The following FAM13C variants were observed in gnomAD, a reference collection of about 807,000 sequenced individuals.
FAM13C encodes protein FAM13C.
In FAM13C, 37 loss-of-function variants were observed where a neutral mutation model predicts 73.2. The ratio of observed to expected loss-of-function variants is 0.51; its 90% CI spans 0.39 to 0.67. FAM13C has a LOEUF of 0.67. Among genes scored for constraint, FAM13C ranks in the 30% least tolerant of loss-of-function variants. FAM13C has a pLI of 0.00. For synonymous variants in FAM13C, 246 were observed against 260.9 expected (o/e 0.94, Z 0.55); for missense variants, 589 against 715.6 (o/e 0.82, Z 2.02).
At chr10:59,310,613 C>T (rs1292281476) in intron 4 of FAM13C, among the ~76,000 whole-genome samples, 1 of 152,140 alleles carries the variant, frequency 6.6e-6, no homozygotes, top group African/African-American at 2.4e-5. Flanking sequence ...CCCCGAGAGA[C>T]TACTGAAAGA....
chr10:59,331,742 G>A (rs1032424797), intron 3 of FAM13C, among the ~76,000 whole-genome samples: 1 of 152,164 alleles, frequency 6.6e-6, no homozygotes, highest in African/African-American at 2.4e-5. Context: ...AGGCAGTATG[G>A]AGAATAACAA....
intron 5 of FAM13C, among the ~76,000 whole-genome samples, chr10:59,293,571 T>C (rs1434014272): frequency 2.0e-5 from 3 of 152,230 alleles, no homozygotes; most frequent in Non-Finnish European, 2.9e-5. Context: ...CATTTGTCTG[T>C]TGATAGACAC....
chr10:59,311,575 A>G (rs1848923149), intron 4 of FAM13C, among the ~76,000 whole-genome samples: 1 of 152,156 alleles, frequency 6.6e-6, no homozygotes, highest in African/African-American at 2.4e-5. Flanking sequence ...GTTGTAACCA[A>G]TACTTCAGCT....
intron 5 of FAM13C, among the ~76,000 whole-genome samples, chr10:59,290,217 C>A (rs1167071880): frequency 1.3e-5 from 2 of 152,214 alleles, no homozygotes; most frequent in African/African-American, 2.4e-5. Flanking sequence ...AGAACACCCA[C>A]ACAGGCTGGA....
At chr10:59,319,357 C>A (rs986520970) in intron 4 of FAM13C, among the ~76,000 whole-genome samples, 1 of 152,184 alleles carries the variant, frequency 6.6e-6, no homozygotes, top group Non-Finnish European at 1.5e-5. Flanking sequence ...TAACCACCAA[C>A]CTAATTAACA....
intron 5 of FAM13C, among the ~76,000 whole-genome samples, chr10:59,298,878 C>A (rs1241312361): frequency 6.6e-6 from 1 of 152,056 alleles, no homozygotes; most frequent in Non-Finnish European, 1.5e-5. Flanking sequence ...GGCCTCAATA[C>A]TGTAAGATCT....
chr10:59,362,242 C>T (rs986177682), intron 1 of FAM13C, among the ~76,000 whole-genome samples, 157 bp downstream of exon 1: 1 of 152,146 alleles, frequency 6.6e-6, no homozygotes, highest in Non-Finnish European at 1.5e-5. Context: ...TTTCTGGGCC[C>T]CACCAGTCAG....
intron 7 of FAM13C, 147 bp from the exon 8 acceptor site, chr10:59,268,838 C>T: frequency 1.1e-6 from 1 of 901,238 alleles, no homozygotes; most frequent in Admixed American, 2.9e-5. Context: ...GTAGCATCTG[C>T]TCATTAATGG....
chr10:59,294,480 C>A (rs1846664737), intron 5 of FAM13C, among the ~76,000 whole-genome samples: 1 of 152,128 alleles, frequency 6.6e-6, no homozygotes, highest in Non-Finnish European at 1.5e-5. Flanking sequence ...CAAGGCAGTT[C>A]CCAGACAAGG....
rs1388603959 is a variant in FAM13C, at chr10:59,246,785, T to TA, written c.*828dup. The TA allele has an allele frequency of 4.6e-5, 18 of 393,966 alleles. No individual in the cohort carries two copies. Among genetic ancestry groups the TA allele is most frequent in the Non-Finnish European group, 7.6e-5 (17 of 223,234 alleles). 24.4% of individuals were successfully genotyped at this position (393,966 alleles called of 1,614,324 possible). On this transcript the variant is annotated 3_prime_UTR_variant, in exon 14 of 14. Transcript: ENST00000618804. ...AAAATGTATATTCCCAATGAAAAAA[T>TA]AGTTATATCATCTTATAGTAAACCA...
intron 4 of FAM13C, among the ~76,000 whole-genome samples, chr10:59,310,073 T>G (rs896269257): frequency 6.6e-6 from 1 of 152,160 alleles, no homozygotes; most frequent in African/African-American, 2.4e-5. Context: ...CTAGAAAACC[T>G]GGGCAGAAAG....
At chr10:59,335,534 C>T (rs1198522723) in intron 3 of FAM13C, among the ~76,000 whole-genome samples, 1 of 152,206 alleles carries the variant, frequency 6.6e-6, no homozygotes, top group African/African-American at 2.4e-5. Flanking sequence ...AGCGCCACTC[C>T]TCAAACTAAT....
intron 10 of FAM13C, among the ~76,000 whole-genome samples, chr10:59,254,933 GT>G (rs745604542): frequency 1.3e-5 from 2 of 152,062 alleles, no homozygotes; most frequent in African/African-American, 4.8e-5. Context: ...GCACATGCCA[GT>G]TTTTTTCTTG....
chr10:59,347,678 GC>G (rs1209976372), intron 3 of FAM13C, among the ~76,000 whole-genome samples: 2 of 147,164 alleles, frequency 1.4e-5, no homozygotes, highest in Non-Finnish European at 3.0e-5. Context: ...CCCTCCCCTA[GC>G]CCCCCACCCC....
chr10:59,259,493 T>C (rs1158341356), intron 10 of FAM13C, among the ~76,000 whole-genome samples: 1 of 152,182 alleles, frequency 6.6e-6, no homozygotes, highest in Non-Finnish European at 1.5e-5. Flanking sequence ...AGTTTTCTCT[T>C]TGGTTACGTT....
At chr10:59,283,674 C>T in intron 5 of FAM13C, 1 of 606,986 alleles carries the variant, frequency 1.6e-6, no homozygotes, top group African/African-American at 1.8e-5. Flanking sequence ...ATATACGCAT[C>T]ATTCCACATG....
rs1199747507 is a variant in FAM13C at position 59,355,902 on chromosome 10, T to G, written c.104A>C (p.Asp35Ala). 3 of 1,613,832 alleles carry G rather than the reference T, an allele frequency of 1.9e-6. No homozygotes were observed. Among genetic ancestry groups the G allele is most frequent in the Admixed American group, 1.7e-5 (1 of 60,006 alleles). The change falls in exon 2 of 14, where the codon GAT (aspartate) becomes GCT (alanine). Residue 35 changes from aspartate to alanine, a missense_variant. Physicochemically the swap from Asp to Ala is moderately radical, Grantham distance 126 (BLOSUM62 -2). Transcript: ENST00000618804. ...DPVSLHEDQT[D>A]CSSLRDENNK... Reference sequence around the variant, plus strand: ...TGGCTTTTACCTGAGACTGGAGCAATCAGTCTGGTCTTCATGTAGAGAGAC... The same window carrying G: ...TGGCTTTTACCTGAGACTGGAGCAAGCAGTCTGGTCTTCATGTAGAGAGAC...
At chr10:59,347,529 T>C (rs545427299) in intron 3 of FAM13C, among the ~76,000 whole-genome samples, 2 of 151,846 alleles carry the variant, frequency 1.3e-5, no homozygotes, top group African/African-American at 4.8e-5. Context: ...TTTTTTTTTT[T>C]AATTTTTTAC....
intron 4 of FAM13C, among the ~76,000 whole-genome samples, chr10:59,307,451 T>C (rs1356398913): frequency 1.3e-5 from 2 of 152,204 alleles, no homozygotes; most frequent in Non-Finnish European, 2.9e-5. Context: ...TCCAGGCAGT[T>C]TACTTACATT....
Sources: allele counts gnomAD v4.1 joint callset (sites outside exome capture counted in the v4.1 genomes callset), GRCh38; gene constraint gnomAD v4.1.1; transcripts MANE v1.5; gene names NCBI Gene and HGNC (gene_info 2026-07-23, HGNC 2026-07-21).